The following SYNPR variants were observed in gnomAD, a reference collection of about 807,000 sequenced individuals.
SYNPR encodes synaptoporin.
A neutral mutation model predicts 32.9 loss-of-function variants in SYNPR; 23 were observed. That is an observed-to-expected ratio of 0.70 (90% CI 0.50 to 0.99). The LOEUF is 0.99. Ranked by LOEUF, SYNPR falls within the 50% of genes least tolerant of loss-of-function variation. SYNPR has a pLI of 0.00. For missense variants in SYNPR, 318 were observed against 349.3 expected, an observed-to-expected ratio of 0.91 and a Z score of 0.71; for synonymous variants, 146 against 135.9, an observed-to-expected ratio of 1.07 and a Z score of -0.52.
chr3:63,592,150 A>G (rs534133699), intron 4 of SYNPR, among the ~76,000 whole-genome samples: 5 of 152,114 alleles, frequency 3.3e-5, no homozygotes, highest in Non-Finnish European at 7.4e-5. Context: ...CGGTGCATCT[A>G]TAAACCAAGC....
At chr3:63,393,377 T>C (rs2088165007) in intron 2 of SYNPR, among the ~76,000 whole-genome samples, 1 of 152,108 alleles carries the variant, frequency 6.6e-6, no homozygotes, top group Non-Finnish European at 1.5e-5. Flanking sequence ...AGCTGCTTAT[T>C]TTGTATGTAT....
At chr3:63,414,094 AGCTTG>A (rs1181263064) in intron 2 of SYNPR, among the ~76,000 whole-genome samples, 12 of 151,828 alleles carry the variant, frequency 7.9e-5, no homozygotes. Context: ...CTCAGGCAGT[AGCTTG>A]GGTATCTTGA....
At chr3:63,332,581 G>A (rs369826755) in intron 2 of SYNPR, among the ~76,000 whole-genome samples, 1 of 152,194 alleles carries the variant, frequency 6.6e-6, no homozygotes, top group East Asian at 1.9e-4. Context: ...GGTATGGGTG[G>A]ATGGGTTTTA....
chr3:63,208,160 C>A, the SYNPR span, among the ~76,000 whole-genome samples: 1 of 152,058 alleles, frequency 6.6e-6, no homozygotes, highest in Admixed American at 6.6e-5. Flanking sequence ...ATATACATCT[C>A]TTCCATAGTA....
At chr3:63,411,692 C>G (rs1364118229) in intron 2 of SYNPR, among the ~76,000 whole-genome samples, 2 of 151,968 alleles carry the variant, frequency 1.3e-5, no homozygotes, top group African/African-American at 2.4e-5. Context: ...ACAGAGTAAA[C>G]ATGGCACATT....
chr3:63,324,224 TGAAA>T (rs1262926432), intron 2 of SYNPR, among the ~76,000 whole-genome samples: 1 of 152,136 alleles, frequency 6.6e-6, no homozygotes, highest in African/African-American at 2.4e-5. Context: ...ATGAGTGAAC[TGAAA>T]GAGTGGCCAC....
At chr3:63,375,417 T>C (rs1401211904) in intron 2 of SYNPR, among the ~76,000 whole-genome samples, 1 of 152,134 alleles carries the variant, frequency 6.6e-6, no homozygotes, top group African/African-American at 2.4e-5. Flanking sequence ...TCATGTCCTT[T>C]GCAGGGACAT....
intron 3 of SYNPR, among the ~76,000 whole-genome samples, chr3:63,552,277 G>T (rs1291673224): frequency 6.6e-6 from 1 of 152,230 alleles, no homozygotes; most frequent in South Asian, 2.1e-4. Context: ...ATGAGAAAAA[G>T]TGTGTATTAT....
chr3:63,264,747 G>C (rs1393007801), intron 2 of SYNPR, among the ~76,000 whole-genome samples: 2 of 152,172 alleles, frequency 1.3e-5, no homozygotes, highest in African/African-American at 2.4e-5. Flanking sequence ...GGCTGTGGAG[G>C]CCTCAGGAAA....
At chr3:63,509,103 C>CATATATAT (rs745994932) in intron 3 of SYNPR, among the ~76,000 whole-genome samples, 8 of 146,858 alleles carry the variant, frequency 5.4e-5, no homozygotes, top group Admixed American at 4.8e-4. Flanking sequence ...TACCTTTCAG[C>CATATATAT]ATATATATAT....
chr3:63,207,570 T>C, the SYNPR span, among the ~76,000 whole-genome samples: 3 of 152,214 alleles, frequency 2.0e-5, no homozygotes, highest in Non-Finnish European at 4.4e-5. Flanking sequence ...AGTCATCTTC[T>C]GTATCCTTCT....
chr3:63,242,000 A>G (rs9832934), intron 1 of SYNPR, among the ~76,000 whole-genome samples: 35,399 of 152,016 alleles, frequency 0.23, 4,430 homozygotes, highest in South Asian at 0.39. Flanking sequence ...TACAGAAACT[A>G]TACATTGTGG....
intron 3 of SYNPR, among the ~76,000 whole-genome samples, chr3:63,496,831 T>C (rs1701382854): frequency 6.6e-6 from 1 of 152,058 alleles, no homozygotes; most frequent in Non-Finnish European, 1.5e-5. Context: ...TATGTCAATA[T>C]TCCTCAATGC....
Position 63,480,883 on chromosome 3 carries a change from C to A in SYNPR, c.136C>A (p.Arg46=), listed in dbSNP as rs535191041. The A allele has an allele frequency of 1.9e-6, 3 of 1,613,520 alleles. No homozygotes were observed. The highest frequency in any genetic ancestry group is 1.7e-6 in the Non-Finnish European group (2 of 1,179,562). The change falls in exon 3 of 6, where the codon CGG becomes AGG. Residue 46 remains arginine, a synonymous_variant. Coordinates refer to ENST00000478300, the MANE Select transcript of SYNPR (RefSeq NM_001130003.2). ...ATCGGYSGGL[R]LSVDCVNKTE... is the part of the protein sequence containing the mutation. Reference sequence around the variant, plus strand: ...ATGCGGTGGCTATTCTGGAGGCCTGCGGCTGAGTGTGGACTGCGTCAACAA... The same window carrying A: ...ATGCGGTGGCTATTCTGGAGGCCTGAGGCTGAGTGTGGACTGCGTCAACAA...
chr3:63,297,770 G>T (rs1008225341), intron 2 of SYNPR, among the ~76,000 whole-genome samples: 2 of 152,096 alleles, frequency 1.3e-5, no homozygotes, highest in African/African-American at 2.4e-5. Flanking sequence ...TGATTGGCTG[G>T]AGATGCAATC....
intron 2 of SYNPR, among the ~76,000 whole-genome samples, chr3:63,363,248 A>C (rs17068324): frequency 0.27 from 40,775 of 152,094 alleles, 5,612 homozygotes; most frequent in Middle Eastern, 0.32. Context: ...CAGCCTTTTA[A>C]ATTAATTGTT....
intron 2 of SYNPR, among the ~76,000 whole-genome samples, chr3:63,280,645 C>T (rs2086620001): frequency 6.6e-6 from 1 of 152,130 alleles, no homozygotes; most frequent in South Asian, 2.1e-4. Flanking sequence ...TTTGAACTTC[C>T]ACTAGATTTT....
chr3:63,273,401 G>A (rs776429315), upstream of SYNPR, among the ~76,000 whole-genome samples: 1 of 152,066 alleles, frequency 6.6e-6, no homozygotes, highest in Non-Finnish European at 1.5e-5. Context: ...AGGCTGATGA[G>A]GAAATTAAAG....
At chr3:63,613,211 T>G (rs1419259306) in intron 5 of SYNPR, among the ~76,000 whole-genome samples, 1 of 151,918 alleles carries the variant, frequency 6.6e-6, no homozygotes, top group Non-Finnish European at 1.5e-5. Flanking sequence ...CAATAATTTT[T>G]TATACTCTTA....
Sources: allele counts gnomAD v4.1 joint callset (sites outside exome capture counted in the v4.1 genomes callset), GRCh38; gene constraint gnomAD v4.1.1; transcripts MANE v1.5; gene names NCBI Gene and HGNC (gene_info 2026-07-23, HGNC 2026-07-21).